The following SOX6 variants were observed in gnomAD, a reference collection of about 807,000 sequenced individuals.
SOX6 encodes the protein SRY-box transcription factor 6, also known as transcription factor SOX-6.
In SOX6, 11 loss-of-function variants were observed where a neutral mutation model predicts 97.8. The observed-to-expected ratio is 0.11, with a 90% confidence interval of 0.07 to 0.19. SOX6 has a LOEUF of 0.19. SOX6 is among the 10% of genes least tolerant of loss of function. SOX6 has a pLI of 1.00. For synonymous variants in SOX6, 360 were observed against 371.4 expected (o/e 0.97, Z 0.35); for missense variants, 810 against 1,039.5 (o/e 0.78, Z 3.04).
At chr11:16,386,720 T>C (rs967773762) in intron 1 of SOX6, among the ~76,000 whole-genome samples, 9 of 152,276 alleles carry the variant, frequency 5.9e-5, no homozygotes, top group African/African-American at 2.2e-4. Flanking sequence ...GTCTCAGCTT[T>C]AATACCACTA....
At chr11:16,413,985 G>A (rs1473410690) in intron 1 of SOX6, among the ~76,000 whole-genome samples, 4 of 150,922 alleles carry the variant, frequency 2.7e-5, no homozygotes, top group Admixed American at 6.6e-5. Flanking sequence ...ACTGGAAAGC[G>A]ATTAAAGGAA....
intron 1 of SOX6, among the ~76,000 whole-genome samples, chr11:16,425,494 G>T (rs1283881650): frequency 3.3e-5 from 5 of 152,100 alleles, no homozygotes; most frequent in African/African-American, 1.2e-4. Flanking sequence ...AGAAATCAAG[G>T]TCATCCAAAT....
intron 1 of SOX6, among the ~76,000 whole-genome samples, chr11:16,383,547 G>T (rs1430590469): frequency 6.6e-6 from 1 of 151,802 alleles, no homozygotes; most frequent in Non-Finnish European, 1.5e-5. Flanking sequence ...AGTTCAACTT[G>T]CTGGAGTGTT....
At chr11:16,603,872 C>G (rs1848300791) in intron 4 of SOX6, among the ~76,000 whole-genome samples, 2 of 152,324 alleles carry the variant, frequency 1.3e-5, no homozygotes, top group Middle Eastern at 3.4e-3. Context: ...TCTTCTCTGC[C>G]ACGGCCTCCC....
Position 15,966,853 on chromosome 11 carries a change from G to A in SOX6, c.*5956C>T, listed in dbSNP as rs934113476. ...GTCAATACTGCACAACAAAATCCAA[G>A]AAGTTTGTGTATGCAACAAAGCTAA... On this transcript the variant is annotated 3_prime_UTR_variant, in exon 16 of 16. Coordinates refer to ENST00000683767, the MANE Select transcript of SOX6 (RefSeq NM_001367873.1). 3.3e-5 allele frequency: 5 copies of A among 152,194 alleles called. No homozygotes were observed. The highest frequency in any genetic ancestry group is 1.2e-4 in the African/African-American group (5 of 41,450). 9.4% of individuals were successfully genotyped at this position (152,194 alleles called of 1,614,324 possible). A position where few individuals can be genotyped will look rare whatever the true frequency, so the allele number is the denominator to read the frequency against.
At chr11:16,696,970 T>C (rs1378028648) in intron 3 of SOX6, among the ~76,000 whole-genome samples, 1 of 149,442 alleles carries the variant, frequency 6.7e-6, no homozygotes, top group Non-Finnish European at 1.5e-5. Flanking sequence ...GTTTATGAAA[T>C]ATCCTAAATC....
chr11:16,528,913 A>G (rs996349444), intron 4 of SOX6, among the ~76,000 whole-genome samples: 3 of 151,968 alleles, frequency 2.0e-5, no homozygotes, highest in African/African-American at 7.2e-5. Flanking sequence ...GAATACTACT[A>G]TGTATTCACT....
At position 16,672,123 on chromosome 11, in the gene SOX6, G is replaced by A. The variant is rs374934701; in HGVS notation, n.429+42707C>T. Among the ~76,000 whole-genome samples the A allele has an allele frequency of 6.6e-5, 10 of 152,172 alleles. No individual in the cohort carries two copies. In the South Asian group the frequency reaches 1.2e-3, roughly 19 times the overall value. ...TGAGGGAGTTTGTTACCATCAGACCGGCCTTACAAGAGATCTTGAAAAGAG... is the reference window on the plus strand; with the variant it reads ...TGAGGGAGTTTGTTACCATCAGACCAGCCTTACAAGAGATCTTGAAAAGAG... On this transcript the variant is annotated intron_variant and non_coding_transcript_variant, in intron 3 of 5. Transcript: ENST00000524520.
At chr11:16,362,761 A>C (rs1486584812) in intron 1 of SOX6, among the ~76,000 whole-genome samples, 1 of 152,090 alleles carries the variant, frequency 6.6e-6, no homozygotes, top group Admixed American at 6.6e-5. Flanking sequence ...GAATTGTAAA[A>C]TTTTCTGGGG....
intron 1 of SOX6, among the ~76,000 whole-genome samples, chr11:16,432,507 A>G (rs1859290706): frequency 6.6e-6 from 1 of 152,120 alleles, no homozygotes; most frequent in Admixed American, 6.5e-5. Context: ...AATACGAATT[A>G]TTTTAGATGT....
intron 1 of SOX6, among the ~76,000 whole-genome samples, chr11:16,403,858 T>G (rs1858622424): frequency 6.6e-6 from 1 of 151,580 alleles, no homozygotes; most frequent in African/African-American, 2.4e-5. Flanking sequence ...AAAAAAGAAT[T>G]AAAATAAAAT....
At chr11:16,350,992 C>A (rs922798770) in intron 1 of SOX6, among the ~76,000 whole-genome samples, 1 of 152,066 alleles carries the variant, frequency 6.6e-6, no homozygotes, top group South Asian at 2.1e-4. Flanking sequence ...TACTGCCAAT[C>A]TAAACATTAT....
At chr11:16,407,595 G>A (rs1034256279) in intron 1 of SOX6, among the ~76,000 whole-genome samples, 11 of 152,006 alleles carry the variant, frequency 7.2e-5, no homozygotes, top group South Asian at 2.1e-4. Context: ...AGTGATTACC[G>A]GGCAGAATTC....
chr11:16,524,927 A>G (rs1245578892), intron 4 of SOX6, among the ~76,000 whole-genome samples: 1 of 152,202 alleles, frequency 6.6e-6, no homozygotes, highest in African/African-American at 2.4e-5. Context: ...CTTACAAGGG[A>G]CGTGAAGGAC....
intron 6 of SOX6, 60 bp downstream of exon 6, chr11:16,183,826 C>CTA (rs1851402732): frequency 1.3e-6 from 2 of 1,523,720 alleles, no homozygotes. Flanking sequence ...GTTTTAAATT[C>CTA]CATTTTCAAG....
chr11:16,313,285 T>G (rs145025694), intron 3 of SOX6: 7 of 152,294 alleles, frequency 4.6e-5, no homozygotes, highest in African/African-American at 1.7e-4. Context: ...GATCAGTTCT[T>G]GTAGATGAGG....
At chr11:16,383,745 C>A (rs1047870126) in intron 1 of SOX6, among the ~76,000 whole-genome samples, 1 of 151,836 alleles carries the variant, frequency 6.6e-6, no homozygotes, top group African/African-American at 2.4e-5. Context: ...AAAAGAGAAG[C>A]CTATAAAATG....
chr11:16,089,630 C>T (rs775892657), intron 9 of SOX6, among the ~76,000 whole-genome samples: 5 of 152,082 alleles, frequency 3.3e-5, no homozygotes, highest in Non-Finnish European at 5.9e-5. Flanking sequence ...TTACCTGTAG[C>T]ATATGAACTC....
chr11:16,516,379 G>C (rs1358461910), intron 4 of SOX6, among the ~76,000 whole-genome samples: 1 of 152,152 alleles, frequency 6.6e-6, no homozygotes, highest in Non-Finnish European at 1.5e-5. Flanking sequence ...GAATGCTTGT[G>C]ATTTTTGTAC....
Sources: allele counts gnomAD v4.1 joint callset (sites outside exome capture counted in the v4.1 genomes callset), GRCh38; gene constraint gnomAD v4.1.1; transcripts MANE v1.5; gene names NCBI Gene and HGNC (gene_info 2026-07-23, HGNC 2026-07-21).